WDFY4: variants seen among roughly 807,000 people sequenced by gnomAD.
WDFY4 encodes WD repeat- and FYVE domain-containing protein 4.
WDFY4 carries 169 observed loss-of-function variants against 351.9 expected under a neutral mutation model. The ratio of observed to expected loss-of-function variants is 0.48; its 90% CI spans 0.42 to 0.55. WDFY4 has a LOEUF of 0.55. Among genes scored for constraint, WDFY4 ranks in the 20% least tolerant of loss-of-function variants. WDFY4 has a pLI of 0.00. For synonymous variants in WDFY4, 1,622 were observed against 1,574.6 expected, an observed-to-expected ratio of 1.03 and a Z score of -0.71; for missense variants, 3,803 against 3,935.6, an observed-to-expected ratio of 0.97 and a Z score of 0.90.
chr10:48,686,927 T>C (rs1292993111), intron 1 of WDFY4, among the ~76,000 whole-genome samples: 2 of 152,216 alleles, frequency 1.3e-5, no homozygotes, highest in African/African-American at 2.4e-5. Context: ...TCGTCAGCCT[T>C]ACTGGATGTC....
intron 12 of WDFY4, chr10:48,745,744 C>T (rs2064990102): frequency 1.9e-6 from 1 of 533,764 alleles, no homozygotes; most frequent in Non-Finnish European, 3.5e-6. Flanking sequence ...GGCAAACTCT[C>T]TTGTGGGCTT....
rs1021731195 is a variant in WDFY4, at chr10:48,949,755, C to T, written c.7977+2786C>T. The stretch of plus-strand genomic sequence containing the variant: ...TCTGCTTTGAGCAAATGCTACCACC[C>T]GCCTATTACCACAGATAAGCCAGAG... On this transcript the variant is annotated intron_variant, in intron 51 of 61. Transcript: ENST00000325239. Among the ~76,000 whole-genome samples the T allele has an allele frequency of 3.9e-5, 6 of 152,264 alleles. No individual in the cohort carries two copies. In the East Asian group the frequency reaches 1.2e-3, roughly 29 times the overall value.
rs565472240 is a variant in WDFY4 at position 48,825,226 on chromosome 10, T to G, written c.5983-1445T>G. On this transcript the variant is annotated intron_variant, in intron 35 of 61. Transcript: ENST00000325239. ...ACATGTGGTATTTAGTTTTTTGTTC[T>G]TGTGTTAGTTTGCTGAGGATAATGG... is the stretch of plus-strand genomic sequence containing the variant. Among the ~76,000 whole-genome samples the G allele has an allele frequency of 2.1e-4, 32 of 152,308 alleles. No individual in the cohort carries two copies. The South Asian group carries it at 6.6e-3, about 32-fold the overall frequency.
At chr10:48,758,814 C>A (rs990118543) in intron 12 of WDFY4, among the ~76,000 whole-genome samples, 1 of 152,142 alleles carries the variant, frequency 6.6e-6, no homozygotes, top group Non-Finnish European at 1.5e-5. Context: ...TTCACTCTTA[C>A]TTCTTGGAAT....
intron 31 of WDFY4, among the ~76,000 whole-genome samples, chr10:48,814,325 G>T (rs567205272): frequency 2.0e-5 from 3 of 152,312 alleles, no homozygotes; most frequent in African/African-American, 4.8e-5. Context: ...TTAAGCATGG[G>T]ATTTCTTCAC....
At chr10:48,838,603 A>G (rs1025935429) in intron 39 of WDFY4, among the ~76,000 whole-genome samples, 1 of 152,202 alleles carries the variant, frequency 6.6e-6, no homozygotes, top group Non-Finnish European at 1.5e-5. Flanking sequence ...AAACATACAC[A>G]TAAGTAGTAA....
Position 48,890,450 on chromosome 10 carries a change from C to T in WDFY4, c.7168-129C>T, listed in dbSNP as rs186895708. The T allele has an allele frequency of 1.2e-4, 137 of 1,119,786 alleles. 2 individuals carry two copies. In the East Asian group the frequency reaches 3.5e-3, roughly 29 times the overall value. 69.4% of individuals were successfully genotyped at this position (1,119,786 alleles called of 1,614,324 possible). ...TACAGTCCTGGGACAGCGGGACTGC[C>T]ATTCATACAAGGCACTGCTCTCACC... On this transcript the variant is annotated intron_variant, in intron 43 of 61. Coordinates refer to ENST00000325239, the MANE Select transcript of WDFY4 (RefSeq NM_001394531.1).
At chr10:48,740,192 T>C (rs1195294337) in intron 11 of WDFY4, among the ~76,000 whole-genome samples, 1 of 152,210 alleles carries the variant, frequency 6.6e-6, no homozygotes, top group East Asian at 1.9e-4. Context: ...ATTTCCTTTG[T>C]GACGGATTGA....
intron 30 of WDFY4, among the ~76,000 whole-genome samples, 184 bp from the exon 31 acceptor site, chr10:48,813,773 C>T (rs1239413076): frequency 6.6e-6 from 1 of 152,234 alleles, no homozygotes; most frequent in East Asian, 1.9e-4. Flanking sequence ...CTTGGAGGTG[C>T]TTGTTTCCCT....
At chr10:48,788,786 A>C in intron 21 of WDFY4, 111 bp downstream of exon 21, 14 of 1,307,190 alleles carry the variant, frequency 1.1e-5, no homozygotes, top group Non-Finnish European at 1.4e-5. Context: ...GTGTAGATGG[A>C]TACACAAATA....
At chr10:48,823,169 T>A in intron 35 of WDFY4, 1 of 661,266 alleles carries the variant, frequency 1.5e-6, no homozygotes, top group Non-Finnish European at 2.0e-6. Context: ...AAAGAGACCT[T>A]TTTTTTTTTT....
chr10:48,868,604 A>G (rs1381325774), intron 40 of WDFY4, among the ~76,000 whole-genome samples: 1 of 152,240 alleles, frequency 6.6e-6, no homozygotes, highest in Non-Finnish European at 1.5e-5. Context: ...ACTCAGGGAT[A>G]GCAATATGGC....
intron 2 of WDFY4, among the ~76,000 whole-genome samples, chr10:48,718,706 C>G (rs1038799230): frequency 1.3e-5 from 2 of 152,208 alleles, no homozygotes; most frequent in Non-Finnish European, 2.9e-5. Flanking sequence ...CCCTTCTCAT[C>G]GCACGACTAG....
At chr10:48,767,427 A>G (rs543591135) in intron 13 of WDFY4, among the ~76,000 whole-genome samples, 2 of 152,356 alleles carry the variant, frequency 1.3e-5, no homozygotes, top group Non-Finnish European at 2.9e-5. Flanking sequence ...CATTTTAGGT[A>G]TATTTCCAAC....
intron 39 of WDFY4, among the ~76,000 whole-genome samples, chr10:48,833,224 G>A (rs1208054868): frequency 1.3e-5 from 2 of 149,992 alleles, no homozygotes; most frequent in African/African-American, 4.9e-5. Context: ...TAAGGTATAT[G>A]GAGTACGGTG....
chr10:48,930,506 G>C (rs1418597484), intron 47 of WDFY4, among the ~76,000 whole-genome samples: 1 of 152,186 alleles, frequency 6.6e-6, no homozygotes, highest in African/African-American at 2.4e-5. Flanking sequence ...GTTAGGCCAA[G>C]GGGAGAAGGA....
At chr10:48,695,375 A>C (rs2063304882) in intron 1 of WDFY4, among the ~76,000 whole-genome samples, 1 of 152,150 alleles carries the variant, frequency 6.6e-6, no homozygotes, top group Admixed American at 6.5e-5. Context: ...TGCAGGCTTC[A>C]GCTAGTACCA....
rs1202365135 is a variant in WDFY4 at position 48,725,979 on chromosome 10, G to A, written c.690G>A (p.Glu230=). Residue 230 remains glutamate, a synonymous_variant, in exon 6 of 62, where the codon GAG becomes GAA. Transcript: ENST00000325239. ...SLLIATTCLR[E]HSCCFWKEPT... ...TGATTGCCACGACCTGCCTTCGGGAGCACAGCTGCTGCTTCTGGAAGGAAC... is the reference window on the plus strand; with the variant it reads ...TGATTGCCACGACCTGCCTTCGGGAACACAGCTGCTGCTTCTGGAAGGAAC... 1 of 1,551,630 alleles carries A rather than the reference G, an allele frequency of 6.4e-7. No individual in the cohort carries two copies. The highest frequency in any genetic ancestry group is 8.7e-7 in the Non-Finnish European group (1 of 1,147,020).
At position 48,970,263 on chromosome 10, in the gene WDFY4, C is replaced by T. The variant is rs550691852; in HGVS notation, c.8902C>T (p.Arg2968Cys). 4.3e-5 allele frequency: 66 copies of T among 1,551,386 alleles called. No homozygotes were observed. The Middle Eastern group carries it at 3.5e-3, about 82-fold the overall frequency. Residue 2968 changes from arginine to cysteine, a missense_variant, in exon 57 of 62, where the codon CGC becomes TGC. Arg to Cys is a radical substitution (Grantham distance 180, BLOSUM62 -3). Coordinates refer to ENST00000325239, the MANE Select transcript of WDFY4 (RefSeq NM_001394531.1). ...CVWELSMTKG[R>C]PRGLRLRQAL... ...GTGGGAGCTCAGCATGACCAAAGGC[C>T]GCCCGAGGGGCTTGCGCCTCCGGCA...
Sources: allele counts gnomAD v4.1 joint callset (sites outside exome capture counted in the v4.1 genomes callset), GRCh38; gene constraint gnomAD v4.1.1; transcripts MANE v1.5; gene names NCBI Gene and HGNC (gene_info 2026-07-23, HGNC 2026-07-21).